Variants in ELOVL2 observed in about 807,000 individuals in gnomAD.
ELOVL2 encodes ELOVL fatty acid elongase 2.
Under a neutral mutation model 37.7 loss-of-function variants are expected in ELOVL2, and 38 were observed. The ratio of observed to expected loss-of-function variants is 1.01; its 90% CI spans 0.78 to 1.32. ELOVL2 has a LOEUF of 1.32. Among genes scored for constraint, ELOVL2 ranks in the 40% most tolerant of loss-of-function variants. ELOVL2 has a pLI of 0.00. For missense variants in ELOVL2, 352 were observed against 363.6 expected (o/e 0.97, Z 0.26); for synonymous variants, 115 against 122.3 (o/e 0.94, Z 0.40).
intron 3 of ELOVL2, 69 bp downstream of exon 3, chr6:11,005,303 G>A: frequency 7.3e-7 from 1 of 1,375,702 alleles, no homozygotes; most frequent in Non-Finnish European, 1.0e-6. Context: ...TGCCAGGCTA[G>A]ATGTGGTTGT....
chr6:11,020,615 G>A, intron 1 of ELOVL2, among the ~76,000 whole-genome samples: 1 of 152,088 alleles, frequency 6.6e-6, no homozygotes, highest in East Asian at 1.9e-4. Context: ...TACCTCAGAG[G>A]AATAAGATGA....
rs368185973 is a variant in ELOVL2 at position 11,030,487 on chromosome 6, TTTTG to T, written c.3+13737_3+13740del. 4.8e-3 allele frequency among the ~76,000 whole-genome samples: 732 copies of T among 152,214 alleles called. 2 individuals carry two copies. The highest frequency in any genetic ancestry group is 0.01 in the Middle Eastern group (3 of 294). On this transcript the variant is annotated intron_variant, in intron 1 of 7. Coordinates refer to ENST00000354666, the MANE Select transcript of ELOVL2 (RefSeq NM_017770.4). Reference sequence around the variant, plus strand: ...GTGTCATATTTGCTTCAAATCTTTTTTTTGTTTGTTTGTTTTTTTGTTGAGATGG... The same window carrying T: ...GTGTCATATTTGCTTCAAATCTTTTTTTTGTTTGTTTTTTTGTTGAGATGG...
intron 1 of ELOVL2, among the ~76,000 whole-genome samples, chr6:11,014,028 C>T (rs375056207): frequency 9.2e-5 from 14 of 152,262 alleles, no homozygotes; most frequent in Middle Eastern, 3.4e-3. Flanking sequence ...ACAAGAAAGT[C>T]TGTGTTCAAT....
chr6:10,997,554 ATGTCTTTTAT>A (rs1782291839), intron 4 of ELOVL2, among the ~76,000 whole-genome samples: 1 of 152,082 alleles, frequency 6.6e-6, no homozygotes. Context: ...CCATTCTTTC[ATGTCTTTTAT>A]TTCTTAGAAA....
In ELOVL2 at chr6:10,981,069, A is replaced by G. The variant is rs1781925439; in HGVS notation, c.*2712T>C. ...AAATAATAAAATATTTCTCAAATGC[A>G]GGGGTGAGGACTTTACCCCGTAACA... On this transcript the variant is annotated 3_prime_UTR_variant, in exon 8 of 8. Coordinates refer to ENST00000354666, the MANE Select transcript of ELOVL2 (RefSeq NM_017770.4). The G allele has an allele frequency of 6.6e-6, 1 of 152,232 alleles. No homozygotes were observed. The highest frequency in any genetic ancestry group is 6.5e-5 in the Admixed American group (1 of 15,276). 9.4% of individuals were successfully genotyped at this position (152,232 alleles called of 1,614,324 possible). A position where few individuals can be genotyped will look rare whatever the true frequency, so the allele number is the denominator to read the frequency against.
At chr6:11,043,245 G>A (rs1783130829) in intron 1 of ELOVL2, among the ~76,000 whole-genome samples, 1 of 152,128 alleles carries the variant, frequency 6.6e-6, no homozygotes, top group Non-Finnish European at 1.5e-5. Context: ...GGAAGGGGGT[G>A]AGGCAAACAC....
intron 5 of ELOVL2, among the ~76,000 whole-genome samples, chr6:10,991,513 GATAAT>G (rs1259083145): frequency 1.3e-5 from 2 of 149,238 alleles, no homozygotes; most frequent in Admixed American, 6.7e-5. Flanking sequence ...AATTAACTGA[GATAAT>G]ATATGAATTT....
intron 1 of ELOVL2, among the ~76,000 whole-genome samples, chr6:11,011,625 GCTATTTTTT>G (rs1182465207): frequency 6.6e-6 from 1 of 152,164 alleles, no homozygotes; most frequent in Non-Finnish European, 1.5e-5. Flanking sequence ...GAGCATTACA[GCTATTTTTT>G]CTATTTATGT....
intron 3 of ELOVL2, among the ~76,000 whole-genome samples, chr6:11,001,647 GT>G (rs1782384869): frequency 6.6e-6 from 1 of 152,130 alleles, no homozygotes; most frequent in Non-Finnish European, 1.5e-5. Flanking sequence ...GGCATATTCT[GT>G]TTCCCCATGT....
intron 1 of ELOVL2, among the ~76,000 whole-genome samples, chr6:11,042,676 G>A (rs9393903): frequency 0.18 from 27,321 of 151,612 alleles, 3,120 homozygotes; most frequent in Middle Eastern, 0.3. Context: ...AGAGATAGCC[G>A]CCTAGACTCG....
At chr6:11,010,529 C>G (rs377723274) in intron 2 of ELOVL2, among the ~76,000 whole-genome samples, 1 of 152,222 alleles carries the variant, frequency 6.6e-6, no homozygotes, top group South Asian at 2.1e-4. Context: ...CTGCTTCCTG[C>G]TCCCAGAACT....
At position 10,983,058 on chromosome 6, in the gene ELOVL2, AT is replaced by A. The variant is rs1401019134; in HGVS notation, c.*722del. The A allele has an allele frequency of 7.9e-5, 12 of 152,236 alleles. No homozygotes were observed. The highest frequency in any genetic ancestry group is 7.9e-4 in the Admixed American group (12 of 15,286). 9.4% of individuals were successfully genotyped at this position (152,236 alleles called of 1,614,324 possible). On this transcript the variant is annotated 3_prime_UTR_variant, in exon 8 of 8. Transcript: ENST00000354666. Reference sequence around the variant, plus strand: ...AGAGGGAGACATGAACAGATGAATGATTAGGGAAACAGAGGAACAATCCTAT... The same window carrying A: ...AGAGGGAGACATGAACAGATGAATGATAGGGAAACAGAGGAACAATCCTAT...
At chr6:10,996,785 G>GCATCACCT (rs1320235356) in intron 4 of ELOVL2, among the ~76,000 whole-genome samples, 340 of 152,280 alleles carry the variant, frequency 2.2e-3, no homozygotes, top group African/African-American at 7.6e-3. Context: ...CGAGGCAGGT[G>GCATCACCT]GATCACCTGA....
At chr6:11,018,727 A>T (rs543979669) in intron 1 of ELOVL2, among the ~76,000 whole-genome samples, 1 of 152,350 alleles carries the variant, frequency 6.6e-6, no homozygotes, top group African/African-American at 2.4e-5. Context: ...GGTTTAGATT[A>T]TAATTAAAGG....
At chr6:11,011,821 C>G (rs376550644) in intron 1 of ELOVL2, among the ~76,000 whole-genome samples, 1 of 152,104 alleles carries the variant, frequency 6.6e-6, no homozygotes, top group South Asian at 2.1e-4. Flanking sequence ...CAGGTATTTC[C>G]CAGCTCCGCC....
chr6:11,008,483 CGA>C (rs565639404), intron 2 of ELOVL2, among the ~76,000 whole-genome samples: 2 of 152,036 alleles, frequency 1.3e-5, no homozygotes, highest in Non-Finnish European at 2.9e-5. Context: ...CATGCCTAAG[CGA>C]GAGTGCCCCC....
intron 1 of ELOVL2, among the ~76,000 whole-genome samples, chr6:11,028,457 A>G (rs535217344): frequency 6.6e-6 from 1 of 152,334 alleles, no homozygotes; most frequent in East Asian, 1.9e-4. Context: ...AACTGTCTCC[A>G]TCAGAAGAGG....
At position 10,990,299 on chromosome 6, in the gene ELOVL2, A is replaced by G; in HGVS notation, c.630+19T>C. On this transcript the variant is annotated intron_variant, in intron 6 of 7. Coordinates refer to ENST00000354666, the MANE Select transcript of ELOVL2 (RefSeq NM_017770.4). ...TCCATAAGCCACATGGAGAAAAGCT[A>G]AAAGAAGGGACAACATACCAGCTGA... 6.2e-7 allele frequency: 1 copy of G among 1,606,592 alleles called. No homozygotes were observed. Among genetic ancestry groups the G allele is most frequent in the Non-Finnish European group, 8.5e-7 (1 of 1,178,014 alleles).
At chr6:11,002,937 G>T (rs1037188867) in intron 3 of ELOVL2, among the ~76,000 whole-genome samples, 1 of 152,204 alleles carries the variant, frequency 6.6e-6, no homozygotes, top group Non-Finnish European at 1.5e-5. Context: ...TTATATAGGA[G>T]AAATATTGTA....
Sources: allele counts gnomAD v4.1 joint callset (sites outside exome capture counted in the v4.1 genomes callset), GRCh38; gene constraint gnomAD v4.1.1; transcripts MANE v1.5; gene names NCBI Gene and HGNC (gene_info 2026-07-23, HGNC 2026-07-21).